The following SKA2 variants were observed in gnomAD, a reference collection of about 807,000 sequenced individuals.
The protein encoded by SKA2 is spindle and kinetochore associated complex subunit 2.
Under a neutral mutation model 16.9 loss-of-function variants are expected in SKA2, and 13 were observed. The ratio of observed to expected loss-of-function variants is 0.77; its 90% CI spans 0.50 to 1.22. The LOEUF is 1.22. Among genes scored for constraint, SKA2 ranks in the 50% most tolerant of loss-of-function variants. The pLI is 0.00. For missense variants in SKA2, 107 were observed against 139.7 expected (o/e 0.77, Z 1.18); for synonymous variants, 47 against 48.5 (o/e 0.97, Z 0.13).
chr17:59,131,560 T>G (rs8077052), intron 1 of SKA2, among the ~76,000 whole-genome samples, 193 bp from the exon 2 acceptor site: 50,780 of 152,018 alleles, frequency 0.33, 8,771 homozygotes, highest in African/African-American at 0.42. Context: ...ATTTAAAAAG[T>G]AGTTAACATT....
At chr17:59,131,073 A>T (rs1011148975) in intron 2 of SKA2, among the ~76,000 whole-genome samples, 68 of 152,210 alleles carry the variant, frequency 4.5e-4, no homozygotes, top group Non-Finnish European at 9.0e-4. Flanking sequence ...AGGTTAGGGG[A>T]AAAAAAGTAG....
chr17:59,118,337 C>T (rs2046310653), intron 3 of SKA2: 1 of 152,132 alleles, frequency 6.6e-6, no homozygotes, highest in Non-Finnish European at 1.5e-5. Flanking sequence ...CAAAAATATA[C>T]CATCAATTTA....
chr17:59,133,413 T>C (rs1367587406), intron 1 of SKA2, among the ~76,000 whole-genome samples: 1 of 152,178 alleles, frequency 6.6e-6, no homozygotes, highest in East Asian at 1.9e-4. Flanking sequence ...AAGGAAAACA[T>C]GATTTCCACA....
intron 1 of SKA2, among the ~76,000 whole-genome samples, chr17:59,154,495 C>T (rs1321687297): frequency 1.3e-5 from 2 of 152,236 alleles, no homozygotes; most frequent in African/African-American, 2.4e-5. Flanking sequence ...GTCTCAATCC[C>T]GCCCGCGCTC....
At chr17:59,141,568 C>CA (rs1165563714) in intron 1 of SKA2, among the ~76,000 whole-genome samples, 7 of 151,210 alleles carry the variant, frequency 4.6e-5, no homozygotes, top group Non-Finnish European at 8.8e-5. Context: ...CTCATCTCTA[C>CA]AAAAAATACA....
intron 1 of SKA2, among the ~76,000 whole-genome samples, chr17:59,134,753 A>T (rs1037689856): frequency 6.6e-6 from 1 of 152,082 alleles, no homozygotes; most frequent in South Asian, 2.1e-4. Flanking sequence ...TTTTTACAAT[A>T]ATCTAACGTA....
intron 1 of SKA2, among the ~76,000 whole-genome samples, chr17:59,153,866 G>A (rs2046596340): frequency 6.6e-6 from 1 of 151,936 alleles, no homozygotes. Context: ...CCGTCTCCCA[G>A]GTTGAAGCGA....
intron 1 of SKA2, among the ~76,000 whole-genome samples, chr17:59,136,576 G>A (rs2046446844): frequency 6.6e-6 from 1 of 150,578 alleles, no homozygotes; most frequent in South Asian, 2.1e-4. Context: ...TTGAGACGGA[G>A]TCTCACTCTG....
Position 59,116,309 on chromosome 17 carries a change from G to A in SKA2, c.297+3010C>T, listed in dbSNP as rs545733060. ...AATTGCTTGAATCCAGGAGGCGGAA[G>A]TTGCTGTGAGCCAAGATTGTGCCAC... On this transcript the variant is annotated intron_variant, in intron 3 of 3. Coordinates refer to ENST00000330137, the MANE Select transcript of SKA2 (RefSeq NM_182620.4). 2.6e-5 allele frequency among the ~76,000 whole-genome samples: 4 copies of A among 152,318 alleles called. No homozygotes were observed. In the East Asian group the frequency reaches 7.7e-4, roughly 29 times the overall value.
intron 3 of SKA2, among the ~76,000 whole-genome samples, chr17:59,117,604 T>G (rs1052224386): frequency 1.3e-5 from 2 of 151,686 alleles, no homozygotes; most frequent in Non-Finnish European, 2.9e-5. Flanking sequence ...TTTTTTTTTT[T>G]GGTAGAGATA....
intron 1 of SKA2, among the ~76,000 whole-genome samples, chr17:59,149,422 C>T (rs1223982183): frequency 6.6e-6 from 1 of 152,014 alleles, no homozygotes; most frequent in African/African-American, 2.4e-5. Context: ...GGTGGGATTG[C>T]TTGAGCCTAG....
chr17:59,154,618 C>A (rs1424381264), intron 1 of SKA2, among the ~76,000 whole-genome samples: 1 of 152,212 alleles, frequency 6.6e-6, no homozygotes, highest in African/African-American at 2.4e-5. Context: ...GGAAGTTGTG[C>A]ATACAAGTCT....
intron 1 of SKA2, among the ~76,000 whole-genome samples, chr17:59,134,833 T>A (rs551949029): frequency 7.2e-5 from 11 of 151,964 alleles, no homozygotes; most frequent in Admixed American, 2.6e-4. Flanking sequence ...ATATATATAT[T>A]TTTGTCATTT....
Position 59,151,499 on chromosome 17 carries a change from G to A in SKA2, c.33+3632C>T, listed in dbSNP as rs73319276. Among the ~76,000 whole-genome samples the A allele has an allele frequency of 8.8e-3, 1,345 of 152,218 alleles. 26 individuals are homozygous for A. Among genetic ancestry groups the A allele is most frequent in the African/African-American group, 0.03 (1,241 of 41,538 alleles). On this transcript the variant is annotated intron_variant, in intron 1 of 3. Coordinates refer to ENST00000330137, the MANE Select transcript of SKA2 (RefSeq NM_182620.4). ...CTTAATAGTAATTAGAATGGGTATT[G>A]TTAATACTTTAGGATTGGTATTAAC...
intron 1 of SKA2, among the ~76,000 whole-genome samples, chr17:59,140,121 G>A (rs775552873): frequency 7.2e-5 from 11 of 152,042 alleles, no homozygotes; most frequent in Non-Finnish European, 1.3e-4. Flanking sequence ...AAACAGATAA[G>A]CAGTAACATG....
intron 1 of SKA2, among the ~76,000 whole-genome samples, chr17:59,144,562 A>G (rs1471473787): frequency 2.0e-5 from 3 of 152,240 alleles, no homozygotes; most frequent in African/African-American, 7.2e-5. Context: ...CATACGTACA[A>G]TGGAATCTTA....
chr17:59,110,943 A>C lies in SKA2; in HGVS notation c.*1334T>G, dbSNP rs1369072552. The C allele has an allele frequency of 6.6e-6, 1 of 152,232 alleles. No homozygotes were observed. Among genetic ancestry groups the C allele is most frequent in the Non-Finnish European group, 1.5e-5 (1 of 68,044 alleles). 9.4% of individuals were successfully genotyped at this position (152,232 alleles called of 1,614,324 possible). On this transcript the variant is annotated 3_prime_UTR_variant, in exon 4 of 4. Coordinates refer to ENST00000330137, the MANE Select transcript of SKA2 (RefSeq NM_182620.4). Reference sequence around the variant, plus strand: ...TTCATAACTGAAATTTTAAAATTACATAAAAGTATAATTCTATAACCTGCA... The same window carrying C: ...TTCATAACTGAAATTTTAAAATTACCTAAAAGTATAATTCTATAACCTGCA...
chr17:59,150,684 G>C (rs1297235788), intron 1 of SKA2, among the ~76,000 whole-genome samples: 1 of 152,158 alleles, frequency 6.6e-6, no homozygotes, highest in East Asian at 1.9e-4. Flanking sequence ...CAAGGCTGCA[G>C]TGAGGTGTAA....
At chr17:59,123,758 C>T (rs1182551103) in intron 2 of SKA2, among the ~76,000 whole-genome samples, 1 of 148,660 alleles carries the variant, frequency 6.7e-6, no homozygotes, top group African/African-American at 2.6e-5. Flanking sequence ...ATGTATAGCA[C>T]TTACTCTGGA....
Sources: gnomAD v4.1 joint callset for allele counts (sites outside exome capture counted in the v4.1 genomes callset) on GRCh38, gnomAD v4.1.1 for gene constraint, MANE v1.5 for transcripts, NCBI Gene and HGNC (gene_info 2026-07-23, HGNC 2026-07-21) for gene names.